Variants in DOK6 observed in about 807,000 individuals in gnomAD.
The protein encoded by DOK6 is docking protein 6.
DOK6 carries 22 observed loss-of-function variants against 44.0 expected under a neutral mutation model. The observed-to-expected ratio is 0.50, with a 90% CI of 0.36 to 0.71. The LOEUF (loss-of-function observed/expected upper bound fraction) is 0.71. DOK6 is among the 30% of genes least tolerant of loss of function. The pLI, the probability that DOK6 is intolerant of heterozygous loss-of-function variation, is 0.00. For synonymous variants in DOK6, 166 were observed against 145.5 expected, an observed-to-expected ratio of 1.14 and a Z score of -1.01; for missense variants, 340 against 416.4, an observed-to-expected ratio of 0.82 and a Z score of 1.60.
chr18:69,619,619 G>A (rs8097743), intron 3 of DOK6, among the ~76,000 whole-genome samples: 66,283 of 152,056 alleles, frequency 0.44, 16,050 homozygotes, highest in South Asian at 0.57. Context: ...TCGTGGCAGC[G>A]CTTTACATAA....
chr18:69,544,275 CA>C (rs1185427138), intron 1 of DOK6, among the ~76,000 whole-genome samples: 1 of 151,100 alleles, frequency 6.6e-6, no homozygotes, highest in Admixed American at 6.6e-5. Context: ...CAAAACAAAA[CA>C]AAAAAACTTG....
rs916019370 is a variant in DOK6, at chr18:69,618,895, AT to A, written c.289+19406del. Among the ~76,000 whole-genome samples, 338 of 151,516 alleles carry A rather than the reference AT, an allele frequency of 2.2e-3. 2 individuals are homozygous for A. Among genetic ancestry groups the A allele is most frequent in the African/African-American group, 7.7e-3 (319 of 41,330 alleles). ...TATTTCTTTTTAAATAAAAATAACG[AT>A]TTTTTTTTCTGATTGTCAAAGTGAT... On this transcript the variant is annotated intron_variant, in intron 3 of 7. Transcript: ENST00000382713.
chr18:69,407,496 A>T (rs1047535618), intron 1 of DOK6, among the ~76,000 whole-genome samples: 1 of 152,212 alleles, frequency 6.6e-6, no homozygotes, highest in African/African-American at 2.4e-5. Context: ...AAGGTCTTGT[A>T]ACTTTGTCCA....
chr18:69,559,171 T>G (rs1236568299), intron 1 of DOK6, among the ~76,000 whole-genome samples: 1 of 152,194 alleles, frequency 6.6e-6, no homozygotes, highest in Non-Finnish European at 1.5e-5. Flanking sequence ...AAAACAATAT[T>G]GAGTGCCTAC....
chr18:69,601,206 G>A (rs560845276), intron 3 of DOK6, among the ~76,000 whole-genome samples: 16 of 151,992 alleles, frequency 1.1e-4, no homozygotes, highest in African/African-American at 1.7e-4. Context: ...TCCTGGTATC[G>A]CCTGAATGTC....
chr18:69,768,954 C>CATGTGTGTGTGT (rs1555669806), intron 7 of DOK6, among the ~76,000 whole-genome samples: 1 of 142,590 alleles, frequency 7.0e-6, no homozygotes, highest in Non-Finnish European at 1.5e-5. Context: ...GAAGGGTGTG[C>CATGTGTGTGTGT]GTGTGTGTGT....
chr18:69,655,877 G>C (rs1017769465), intron 3 of DOK6, among the ~76,000 whole-genome samples: 1 of 147,530 alleles, frequency 6.8e-6, no homozygotes, highest in East Asian at 2.0e-4. Context: ...AGATATGAAA[G>C]AGTAAGAATG....
At chr18:69,679,314 G>A (rs1359535950) in intron 4 of DOK6, among the ~76,000 whole-genome samples, 1 of 152,182 alleles carries the variant, frequency 6.6e-6, no homozygotes, top group Non-Finnish European at 1.5e-5. Flanking sequence ...GCCATTGCTA[G>A]CTCATGGCCC....
chr18:69,758,891 C>G (rs571008238), intron 7 of DOK6, among the ~76,000 whole-genome samples: 1 of 99,032 alleles, frequency 1.0e-5, no homozygotes, highest in African/African-American at 2.8e-5. Context: ...TGCAAGCAAA[C>G]TGAAGTAATG....
chr18:69,528,928 CA>C (rs1164081552), intron 1 of DOK6, among the ~76,000 whole-genome samples: 1 of 152,146 alleles, frequency 6.6e-6, no homozygotes, highest in African/African-American at 2.4e-5. Flanking sequence ...ATGGCTCTTC[CA>C]GTGTAAAAGG....
intron 2 of DOK6, among the ~76,000 whole-genome samples, chr18:69,571,840 A>G (rs867645594): frequency 1.5e-4 from 23 of 152,074 alleles, no homozygotes; most frequent in African/African-American, 4.6e-4. Flanking sequence ...AAAAATATAT[A>G]TATCAGCAAG....
chr18:69,825,460 G>A (rs1161963891), intron 7 of DOK6, among the ~76,000 whole-genome samples: 1 of 130,058 alleles, frequency 7.7e-6, no homozygotes, highest in African/African-American at 2.9e-5. Flanking sequence ...TTTTGAGACG[G>A]AGTCTTGCTC....
chr18:69,622,476 A>C (rs1984464559), intron 3 of DOK6, among the ~76,000 whole-genome samples: 1 of 152,216 alleles, frequency 6.6e-6, no homozygotes, highest in Non-Finnish European at 1.5e-5. Context: ...AAATTCTGTG[A>C]AATAAGCAAC....
intron 6 of DOK6, among the ~76,000 whole-genome samples, chr18:69,750,383 T>G (rs1979136640): frequency 6.6e-6 from 1 of 152,090 alleles, no homozygotes; most frequent in Admixed American, 6.5e-5. Context: ...AAATACCACT[T>G]TCATGTATAA....
chr18:69,668,992 T>C (rs955148116), intron 3 of DOK6, among the ~76,000 whole-genome samples: 2 of 152,180 alleles, frequency 1.3e-5, no homozygotes, highest in African/African-American at 4.8e-5. Context: ...GTGATAGGGA[T>C]GGTCAGTTCC....
intron 2 of DOK6, among the ~76,000 whole-genome samples, chr18:69,577,222 A>G (rs1247776709): frequency 1.3e-5 from 2 of 152,182 alleles, no homozygotes; most frequent in African/African-American, 2.4e-5. Context: ...TGGTAAATGC[A>G]GAAATGGCAC....
chr18:69,626,629 G>A (rs980006175), intron 3 of DOK6, among the ~76,000 whole-genome samples: 1 of 152,108 alleles, frequency 6.6e-6, no homozygotes, highest in African/African-American at 2.4e-5. Flanking sequence ...CAAGAAAATC[G>A]AGGCAGGAAA....
chr18:69,419,708 A>G (rs1374733856), intron 1 of DOK6, among the ~76,000 whole-genome samples: 1 of 152,166 alleles, frequency 6.6e-6, no homozygotes, highest in Non-Finnish European at 1.5e-5. Context: ...TGAAGAAGTA[A>G]AAAGATGGCA....
chr18:69,652,016 C>G (rs1334533047), intron 3 of DOK6, among the ~76,000 whole-genome samples: 2 of 152,150 alleles, frequency 1.3e-5, no homozygotes, highest in Non-Finnish European at 2.9e-5. Context: ...CAGCTAGTGT[C>G]CTTGTGCTTC....
Sources: allele counts gnomAD v4.1 joint callset (sites outside exome capture counted in the v4.1 genomes callset), GRCh38; gene constraint gnomAD v4.1.1; transcripts MANE v1.5; gene names NCBI Gene and HGNC (gene_info 2026-07-23, HGNC 2026-07-21).